CASK: variants seen among roughly 807,000 people sequenced by gnomAD.
CASK encodes calcium/calmodulin dependent serine protein kinase.
CASK carries 4 observed loss-of-function variants against 82.9 expected under a neutral mutation model. The ratio of observed to expected loss-of-function variants is 0.05; its 90% confidence interval spans 0.02 to 0.11. The LOEUF (loss-of-function observed/expected upper bound fraction) is 0.11. Among genes scored for constraint, CASK ranks in the 10% least tolerant of loss-of-function variants. The pLI is 1.00. For synonymous variants in CASK, 259 were observed against 253.5 expected (o/e 1.02, Z -0.20); for missense variants, 358 against 720.9 (o/e 0.50, Z 5.76).
intron 3 of CASK, among the ~76,000 whole-genome samples, chrX:41,756,837 C>CA (rs1280139844): frequency 8.9e-6 from 1 of 112,248 alleles, no homozygotes; most frequent in Non-Finnish European, 1.9e-5. Flanking sequence ...GATTCTAACT[C>CA]AGGCAAGCTG....
At chrX:41,611,276 T>C (rs749232304) in intron 11 of CASK, among the ~76,000 whole-genome samples, 2 of 111,565 alleles carry the variant, frequency 1.8e-5, no homozygotes, top group Admixed American at 9.5e-5. Context: ...TTAGACCTTA[T>C]CCATTCTCAT....
chrX:41,811,501 C>T (rs1355630015), intron 2 of CASK, among the ~76,000 whole-genome samples: 4 of 112,066 alleles, frequency 3.6e-5, no homozygotes, highest in African/African-American at 9.7e-5. Context: ...GGGTACATAA[C>T]GAAATGAAGG....
chrX:41,919,563 C>T (rs904837392), intron 1 of CASK, among the ~76,000 whole-genome samples: 4 of 112,410 alleles, frequency 3.6e-5, no homozygotes, highest in Non-Finnish European at 7.5e-5. Flanking sequence ...AGTAAATGAT[C>T]ATGACATAAA....
chrX:41,526,810 T>C (rs188057317), intron 25 of CASK, among the ~76,000 whole-genome samples: 2 of 112,027 alleles, frequency 1.8e-5, no homozygotes, highest in East Asian at 5.6e-4. Context: ...TATACTTTAT[T>C]ATTGTACTTT....
chrX:41,695,861 C>T, intron 5 of CASK: 1 of 1,206,137 alleles, frequency 8.3e-7, no homozygotes, highest in Non-Finnish European at 1.1e-6. Flanking sequence ...TAATCGCCCT[C>T]TATGTATTTC....
At chrX:41,619,178 T>C (rs2066250335) in intron 11 of CASK, among the ~76,000 whole-genome samples, 1 of 111,735 alleles carries the variant, frequency 8.9e-6, no homozygotes. Context: ...TTCCTAGCCC[T>C]TGGTCCAAAC....
chrX:41,887,296 CCACACACACACACACACACACACA>C (rs3055225), intron 1 of CASK, among the ~76,000 whole-genome samples: 2 of 83,507 alleles, frequency 2.4e-5, no homozygotes, highest in Non-Finnish European at 4.7e-5. Flanking sequence ...CTAGTTGAGT[CCACACACACACACACACACACACA>C]CACACACACA....
chrX:41,663,326 A>G (rs1014594444), intron 7 of CASK, among the ~76,000 whole-genome samples: 1 of 111,471 alleles, frequency 9.0e-6, no homozygotes, highest in Non-Finnish European at 1.9e-5. Context: ...GGTGGTGAAA[A>G]CCTAGGCTTT....
intron 2 of CASK, among the ~76,000 whole-genome samples, chrX:41,804,240 C>T (rs761441767): frequency 1.0e-4 from 11 of 110,250 alleles, no homozygotes; most frequent in Non-Finnish European, 1.7e-4. Context: ...CCCAGCTGCT[C>T]GGGAAGCTGA....
At chrX:41,820,599 T>A (rs2070514401) in intron 2 of CASK, among the ~76,000 whole-genome samples, 1 of 110,939 alleles carries the variant, frequency 9.0e-6, no homozygotes, top group African/African-American at 3.3e-5. Flanking sequence ...ATATATAGAT[T>A]AAAAGTAACA....
chrX:41,915,599 C>T (rs1397405752), intron 1 of CASK, among the ~76,000 whole-genome samples: 1 of 111,864 alleles, frequency 8.9e-6, no homozygotes, highest in African/African-American at 3.3e-5. Context: ...CACAGTGGCT[C>T]ACGCCTGTAA....
intron 3 of CASK, among the ~76,000 whole-genome samples, chrX:41,761,140 G>A (rs2068994107): frequency 8.9e-6 from 1 of 112,020 alleles, no homozygotes; most frequent in African/African-American, 3.2e-5. Flanking sequence ...TGCAGCCCCT[G>A]CCATCACTAA....
chrX:41,559,788 C>T lies in CASK; in HGVS notation c.1728G>A (p.Ser576=), dbSNP rs56199880. The change falls in exon 18 of 27, where the codon TCG becomes TCA. Residue 576 remains serine (S), a synonymous_variant. Transcript: ENST00000378163. ...TTGTTAGAGTCATTACCTCACAGGACGAAGACTGAGTGCGGTAACTTGGCA... is the reference window on the plus strand; with the variant it reads ...TTGTTAGAGTCATTACCTCACAGGATGAAGACTGAGTGCGGTAACTTGGCA... ...KIVPSYRTQS[S]SCERDSPSTS... The T allele has an allele frequency of 4.4e-5, 53 of 1,207,206 alleles. No homozygotes were observed. Among genetic ancestry groups the T allele is most frequent in the Non-Finnish European group, 5.5e-5 (49 of 892,708 alleles).
chrX:41,741,547 G>A (rs2068597722), intron 4 of CASK, among the ~76,000 whole-genome samples: 1 of 111,768 alleles, frequency 8.9e-6, no homozygotes, highest in South Asian at 3.7e-4. Context: ...CTATCTCAAA[G>A]TCTCATAACA....
chrX:41,663,777 T>A (rs1034238100), intron 7 of CASK, among the ~76,000 whole-genome samples: 11 of 112,026 alleles, frequency 9.8e-5, no homozygotes, highest in Non-Finnish European at 1.9e-4. Context: ...ATTAAACTAT[T>A]CTAAGCACTT....
chrX:41,914,612 A>T (rs1043200108), intron 1 of CASK, among the ~76,000 whole-genome samples: 14 of 112,450 alleles, frequency 1.2e-4, no homozygotes, highest in Non-Finnish European at 3.8e-5. Context: ...CCTATAGTAG[A>T]AAGATATAAG....
At chrX:41,800,288 C>G (rs1008631623) in intron 2 of CASK, among the ~76,000 whole-genome samples, 1 of 110,058 alleles carries the variant, frequency 9.1e-6, no homozygotes, top group Non-Finnish European at 1.9e-5. Context: ...CATACCTCCT[C>G]CTTCCCGGCA....
chrX:41,550,105 G>A (rs994893617), intron 21 of CASK, among the ~76,000 whole-genome samples: 6 of 111,453 alleles, frequency 5.4e-5, no homozygotes, highest in Non-Finnish European at 9.4e-5. Context: ...AGGTTGCAGT[G>A]AGCTGAGATT....
At chrX:41,619,474 A>T (rs1183310432) in intron 11 of CASK, among the ~76,000 whole-genome samples, 1 of 111,069 alleles carries the variant, frequency 9.0e-6, no homozygotes, top group Non-Finnish European at 1.9e-5. Flanking sequence ...TTTTCAAATA[A>T]TCTCACCAGT....
Sources: allele counts gnomAD v4.1 joint callset (sites outside exome capture counted in the v4.1 genomes callset), GRCh38; gene constraint gnomAD v4.1.1; transcripts MANE v1.5; gene names NCBI Gene and HGNC (gene_info 2026-07-23, HGNC 2026-07-21).